TMTC2: variants seen among roughly 807,000 people sequenced by gnomAD.
TMTC2 encodes the protein protein O-mannosyl-transferase TMTC2.
Under a neutral mutation model 82.4 loss-of-function variants are expected in TMTC2, and 43 were observed. That is an observed-to-expected ratio of 0.52 (90% CI 0.41 to 0.67). TMTC2 has a LOEUF of 0.67. Among genes scored for constraint, TMTC2 ranks in the 30% least tolerant of loss-of-function variants. The pLI, the probability that TMTC2 is intolerant of heterozygous loss-of-function variation, is 0.00. For missense variants in TMTC2, 919 were observed against 1,012.4 expected, an observed-to-expected ratio of 0.91 and a Z score of 1.25; for synonymous variants, 408 against 381.9, an observed-to-expected ratio of 1.07 and a Z score of -0.80.
intron 8 of TMTC2, among the ~76,000 whole-genome samples, chr12:82,988,655 C>T (rs1879273835): frequency 6.6e-6 from 1 of 151,838 alleles, no homozygotes; most frequent in Non-Finnish European, 1.5e-5. Flanking sequence ...TCCCCTATCC[C>T]ATGCAGAATA....
At chr12:83,005,261 A>G (rs542314926) in intron 8 of TMTC2, among the ~76,000 whole-genome samples, 56 of 148,146 alleles carry the variant, frequency 3.8e-4, no homozygotes, top group African/African-American at 1.4e-3. Context: ...CCTAGGAGGC[A>G]GAGAATGCAA....
chr12:82,778,396 C>A (rs2137004655), intron 1 of TMTC2, among the ~76,000 whole-genome samples: 1 of 152,268 alleles, frequency 6.6e-6, no homozygotes, highest in African/African-American at 2.4e-5. Context: ...CTGGAAGGTT[C>A]TTTTTATTAT....
intron 1 of TMTC2, among the ~76,000 whole-genome samples, chr12:82,693,929 C>G (rs978054491): frequency 2.1e-5 from 3 of 146,232 alleles, no homozygotes; most frequent in Admixed American, 1.4e-4. Flanking sequence ...GATCGCGCCA[C>G]CATACTCCAG....
chr12:83,093,738 C>A (rs1323928902), intron 11 of TMTC2, among the ~76,000 whole-genome samples: 2 of 152,168 alleles, frequency 1.3e-5, no homozygotes, highest in African/African-American at 4.8e-5. Flanking sequence ...GAGAACAGAA[C>A]TGTCTTATGT....
At chr12:82,841,473 C>T (rs1255007784) in intron 1 of TMTC2, among the ~76,000 whole-genome samples, 3 of 152,090 alleles carry the variant, frequency 2.0e-5, no homozygotes, top group Admixed American at 6.6e-5. Flanking sequence ...TGTGTAAGCT[C>T]ATCTGTGTTA....
At chr12:82,692,252 T>C (rs1034490094) in intron 1 of TMTC2, among the ~76,000 whole-genome samples, 3 of 152,140 alleles carry the variant, frequency 2.0e-5, no homozygotes, top group South Asian at 2.1e-4. Context: ...TACATTTACA[T>C]TGGTGATTCT....
chr12:82,708,324 G>A, intron 1 of TMTC2, among the ~76,000 whole-genome samples: 1 of 152,304 alleles, frequency 6.6e-6, no homozygotes, highest in Admixed American at 6.5e-5. Flanking sequence ...ACAGGTCTAC[G>A]ATGTAATTGT....
At chr12:83,097,634 C>CA (rs1402875498) in intron 11 of TMTC2, among the ~76,000 whole-genome samples, 8 of 151,816 alleles carry the variant, frequency 5.3e-5, no homozygotes, top group Non-Finnish European at 1.0e-4. Flanking sequence ...GGTAGAGAGA[C>CA]AAAAAATATA....
chr12:82,947,856 C>T (rs554494793), intron 4 of TMTC2, among the ~76,000 whole-genome samples: 51 of 152,236 alleles, frequency 3.4e-4, no homozygotes, highest in African/African-American at 1.0e-3. Context: ...AATTTGGCAT[C>T]TTGATCCCCA....
At chr12:83,010,654 C>T (rs1052517540) in intron 8 of TMTC2, among the ~76,000 whole-genome samples, 1 of 152,180 alleles carries the variant, frequency 6.6e-6, no homozygotes, top group African/African-American at 2.4e-5. Context: ...CATCAAGCAA[C>T]AGGATCTAGA....
chr12:83,008,395 A>G (rs1880300816), intron 8 of TMTC2, among the ~76,000 whole-genome samples: 1 of 152,072 alleles, frequency 6.6e-6, no homozygotes, highest in South Asian at 2.1e-4. Context: ...TTGCACGTCC[A>G]TTTAGAAGTT....
intron 3 of TMTC2, among the ~76,000 whole-genome samples, chr12:82,898,256 C>A (rs1479466998): frequency 1.3e-5 from 2 of 152,158 alleles, no homozygotes; most frequent in Admixed American, 1.3e-4. Context: ...GGACCCAAAT[C>A]TTGTAAAAAT....
chr12:82,916,403 A>G (rs1358636244), intron 3 of TMTC2, among the ~76,000 whole-genome samples: 2 of 151,972 alleles, frequency 1.3e-5, no homozygotes, highest in East Asian at 1.9e-4. Context: ...GCACATTGTT[A>G]TTAGGGACAT....
chr12:82,747,483 A>C (rs763900943), intron 1 of TMTC2, among the ~76,000 whole-genome samples: 5 of 152,178 alleles, frequency 3.3e-5, no homozygotes, highest in Non-Finnish European at 5.9e-5. Context: ...CAAAGTGTAA[A>C]AAAGCTAAAT....
chr12:82,979,628 A>G (rs1181263430), intron 7 of TMTC2, among the ~76,000 whole-genome samples: 1 of 151,948 alleles, frequency 6.6e-6, no homozygotes, highest in South Asian at 2.1e-4. Flanking sequence ...CCACCTAATT[A>G]TGTACCACAA....
intron 2 of TMTC2, among the ~76,000 whole-genome samples, chr12:82,882,710 A>G (rs920571113): frequency 1.3e-5 from 2 of 152,148 alleles, no homozygotes; most frequent in African/African-American, 2.4e-5. Flanking sequence ...GGATGTTGAA[A>G]TAAGAATTAT....
intron 1 of TMTC2, among the ~76,000 whole-genome samples, chr12:82,796,300 G>A (rs1370982034): frequency 2.6e-5 from 4 of 152,094 alleles, no homozygotes; most frequent in African/African-American, 7.2e-5. Context: ...AAACAAGGCC[G>A]AAGAATGATT....
At chr12:82,792,333 A>G (rs949411842) in intron 1 of TMTC2, among the ~76,000 whole-genome samples, 1 of 152,072 alleles carries the variant, frequency 6.6e-6, no homozygotes, top group East Asian at 1.9e-4. Flanking sequence ...ACTCAGTGAC[A>G]TTCAGTACAT....
rs1565845191 is a variant in TMTC2 at position 82,997,384 on chromosome 12, G to GTATATATATGTGTA, written c.2070+11347_2070+11348insGTGTATATATATAT. On this transcript the variant is annotated intron_variant, in intron 8 of 11. Transcript: ENST00000321196. The stretch of plus-strand genomic sequence containing the variant: ...TATATATGTGTATATATATATATGT[G>GTATATATATGTGTA]TATATATATATGTGTATATATATAT... Among the ~76,000 whole-genome samples the GTATATATATGTGTA allele has an allele frequency of 1.8e-3, 53 of 29,706 alleles. 4 individuals are homozygous for GTATATATATGTGTA. Among genetic ancestry groups the GTATATATATGTGTA allele is most frequent in the African/African-American group, 4.0e-3 (52 of 12,890 alleles). The allele number at this position is 29,706 out of a possible 152,430, so 19.5% of individuals were successfully genotyped here.
Sources: gnomAD v4.1 joint callset for allele counts (sites outside exome capture counted in the v4.1 genomes callset) on GRCh38, gnomAD v4.1.1 for gene constraint, MANE v1.5 for transcripts, NCBI Gene and HGNC (gene_info 2026-07-23, HGNC 2026-07-21) for gene names.